Variants in WDFY3 observed in about 807,000 individuals in gnomAD.
WDFY3 encodes the protein WD repeat and FYVE domain-containing protein 3.
In WDFY3, 66 loss-of-function variants were observed where a neutral mutation model predicts 409.6. The ratio of observed to expected loss-of-function variants is 0.16; its 90% CI spans 0.13 to 0.20. The LOEUF (loss-of-function observed/expected upper bound fraction) is 0.20. Ranked by LOEUF, WDFY3 falls within the 10% of genes least tolerant of loss-of-function variation. The pLI, the probability that WDFY3 is intolerant of heterozygous loss-of-function variation, is 1.00. For synonymous variants in WDFY3, 1,521 were observed against 1,537.1 expected, an observed-to-expected ratio of 0.99 and a Z score of 0.25; for missense variants, 3,031 against 4,298.1, an observed-to-expected ratio of 0.71 and a Z score of 8.24.
chr4:84,922,191 C>T (rs1769379900), intron 2 of WDFY3, among the ~76,000 whole-genome samples: 2 of 151,852 alleles, frequency 1.3e-5, no homozygotes, highest in African/African-American at 4.8e-5. Flanking sequence ...TGCACAATAA[C>T]AACAACTAGA....
chr4:84,947,081 A>G (rs1051045425), intron 1 of WDFY3, among the ~76,000 whole-genome samples: 3 of 151,486 alleles, frequency 2.0e-5, no homozygotes, highest in African/African-American at 7.3e-5. Flanking sequence ...TGCTGGGATT[A>G]CAGGCGTGAG....
chr4:84,712,373 T>TAA (rs998951453), intron 51 of WDFY3, among the ~76,000 whole-genome samples: 217 of 75,078 alleles, frequency 2.9e-3, no homozygotes, highest in African/African-American at 9.1e-3. Context: ...AGAAAAAAAT[T>TAA]AAAAAAAAAA....
intron 17 of WDFY3, 119 bp from the exon 18 acceptor site, chr4:84,798,227 A>G (rs1749847902): frequency 2.5e-6 from 2 of 792,674 alleles, no homozygotes; most frequent in South Asian, 2.0e-5. Flanking sequence ...AAAAAAATGC[A>G]AAGTATAATA....
Position 84,810,268 on chromosome 4 carries a change from G to A in WDFY3, c.1964C>T (p.Thr655Ile). The change falls in exon 14 of 68, where the codon ACA (threonine) becomes ATA (isoleucine). Residue 655 changes from threonine (T) to isoleucine (I), a missense_variant. Transcript: ENST00000295888. ...FRKVGGFVYI[T>I]SLLVAMERSL... The stretch of plus-strand genomic sequence containing the variant: ...TCTTTCCATAGCAACGAGCAAGGAT[G>A]TAATGTACACAAATCCTCCAACTTT... 1 of 1,612,666 alleles carries A rather than the reference G, an allele frequency of 6.2e-7. No individual in the cohort carries two copies. Among genetic ancestry groups the A allele is most frequent in the Non-Finnish European group, 8.5e-7 (1 of 1,179,218 alleles).
At chr4:84,752,200 C>T (rs948834323) in intron 35 of WDFY3, among the ~76,000 whole-genome samples, 13 of 151,650 alleles carry the variant, frequency 8.6e-5, no homozygotes, top group South Asian at 4.2e-4. Context: ...AGTGACAGAG[C>T]GAGACTAGCA....
At position 84,682,369 on chromosome 4, in the gene WDFY3, A is replaced by G; in HGVS notation, c.9823+5T>C. 1 of 1,611,548 alleles carries G rather than the reference A, an allele frequency of 6.2e-7. No individual in the cohort carries two copies. The highest frequency in any genetic ancestry group is 2.2e-5 in the East Asian group (1 of 44,866). ...TTTGAGTCATTTTTAGAAAGTATTAAATACCTATTTGTGCTTCTGGACAGT... is the reference window on the plus strand; with the variant it reads ...TTTGAGTCATTTTTAGAAAGTATTAGATACCTATTTGTGCTTCTGGACAGT... On this transcript the variant is annotated splice_donor_5th_base_variant and intron_variant, in intron 64 of 67. Coordinates refer to ENST00000295888, the MANE Select transcript of WDFY3 (RefSeq NM_014991.6).
chr4:84,713,825 A>T lies in WDFY3; in HGVS notation c.7962-586T>A, dbSNP rs539318956. 1.9e-4 allele frequency among the ~76,000 whole-genome samples: 29 copies of T among 152,218 alleles called. 1 individual carries two copies. The highest frequency in any genetic ancestry group is 1.6e-3 in the Admixed American group (25 of 15,296). On this transcript the variant is annotated intron_variant, in intron 50 of 67. Transcript: ENST00000295888. ...AGATGTGTGTTGTTTTTCCTTTTTTAAAAAATTTATAGGCTGTGTGTGGTG... is the reference window on the plus strand; with the variant it reads ...AGATGTGTGTTGTTTTTCCTTTTTTTAAAAATTTATAGGCTGTGTGTGGTG...
At chr4:84,812,191 A>C (rs1036327772) in intron 13 of WDFY3, among the ~76,000 whole-genome samples, 4 of 152,258 alleles carry the variant, frequency 2.6e-5, no homozygotes, top group African/African-American at 9.6e-5. Context: ...AAAATATAAA[A>C]ACAATGTTTC....
intron 61 of WDFY3, 23 bp downstream of exon 61, chr4:84,690,483 G>A (rs1399781814): frequency 6.2e-7 from 1 of 1,613,844 alleles, no homozygotes; most frequent in Admixed American, 1.7e-5. Flanking sequence ...GTCCTTCTTG[G>A]CATTTTCTAT....
chr4:84,877,973 A>C (rs2150369280), intron 3 of WDFY3, among the ~76,000 whole-genome samples: 1 of 152,330 alleles, frequency 6.6e-6, no homozygotes, highest in Admixed American at 6.5e-5. Context: ...TTATTTTAAA[A>C]CAAGAAAACT....
At chr4:84,894,508 T>C (rs114650170) in intron 3 of WDFY3, among the ~76,000 whole-genome samples, 10,147 of 151,870 alleles carry the variant, frequency 0.067, 464 homozygotes, top group Admixed American at 0.12. Context: ...AAAATTAGGC[T>C]GGGCGTGGTG....
intron 30 of WDFY3, among the ~76,000 whole-genome samples, chr4:84,767,512 T>C (rs773029890): frequency 6.6e-6 from 1 of 151,832 alleles, no homozygotes; most frequent in African/African-American, 2.4e-5. Flanking sequence ...TGTTGAAAGA[T>C]CAGACAAGCC....
At chr4:84,849,044 C>G (rs1758502755) in intron 5 of WDFY3, among the ~76,000 whole-genome samples, 1 of 152,056 alleles carries the variant, frequency 6.6e-6, no homozygotes, top group South Asian at 2.1e-4. Flanking sequence ...TCTAAAACAA[C>G]AAGCAGAACA....
At chr4:84,724,682 G>A (rs906493405) in intron 45 of WDFY3, 88 bp from the exon 46 acceptor site, 83 of 1,440,114 alleles carry the variant, frequency 5.8e-5, no homozygotes, top group African/African-American at 1.9e-4. Flanking sequence ...GTGTCAAGGT[G>A]TGTTACCTTT....
At chr4:84,742,425 C>A (rs374885837) in intron 37 of WDFY3, among the ~76,000 whole-genome samples, 55 of 152,240 alleles carry the variant, frequency 3.6e-4, no homozygotes, top group African/African-American at 1.0e-3. Flanking sequence ...TCCATCATTA[C>A]CATCAGCTCT....
At chr4:84,694,417 G>A (rs987967568) in intron 58 of WDFY3, among the ~76,000 whole-genome samples, 3 of 152,174 alleles carry the variant, frequency 2.0e-5, no homozygotes, top group Non-Finnish European at 4.4e-5. Flanking sequence ...GCATCCAAAC[G>A]ATACTTCCCA....
chr4:84,789,931 A>G, intron 21 of WDFY3, 24 bp from the exon 22 acceptor site: 2 of 1,612,360 alleles, frequency 1.2e-6, no homozygotes, highest in Non-Finnish European at 1.7e-6. Flanking sequence ...GGGAAGACAT[A>G]AAAACTTTTT....
intron 3 of WDFY3, among the ~76,000 whole-genome samples, chr4:84,885,116 T>A (rs1456675557): frequency 1.3e-5 from 2 of 152,098 alleles, no homozygotes; most frequent in African/African-American, 4.8e-5. Flanking sequence ...TTCTCCTGTC[T>A]CAGCCTCCTG....
rs1725447082 is a variant in WDFY3 at position 84,671,523 on chromosome 4, A to AC, written c.*1344_*1345insG. The stretch of plus-strand genomic sequence containing the variant: ...ATATATATATATGTACATAACACAC[A>AC]TTTAAAAAAATCCCACCACCAAGCC... On this transcript the variant is annotated 3_prime_UTR_variant, in exon 68 of 68. Transcript: ENST00000295888. The AC allele has an allele frequency of 6.6e-6, 1 of 150,852 alleles. No homozygotes were observed. Among genetic ancestry groups the AC allele is most frequent in the Admixed American group, 6.6e-5 (1 of 15,042 alleles). 9.3% of individuals were successfully genotyped at this position (150,852 alleles called of 1,614,324 possible). A position where few individuals can be genotyped will look rare whatever the true frequency, so the allele number is the denominator to read the frequency against.
Sources: gnomAD v4.1 joint callset for allele counts (sites outside exome capture counted in the v4.1 genomes callset) on GRCh38, gnomAD v4.1.1 for gene constraint, MANE v1.5 for transcripts, NCBI Gene and HGNC (gene_info 2026-07-23, HGNC 2026-07-21) for gene names.